CFTR: variants seen among roughly 807,000 people sequenced by gnomAD.
The protein encoded by CFTR is cystic fibrosis transmembrane conductance regulator.
Under a neutral mutation model 171.6 loss-of-function variants are expected in CFTR, and 181 were observed. That is an observed-to-expected ratio of 1.05 (90% CI 0.93 to 1.19). CFTR has a LOEUF of 1.19. CFTR is among the 50% of genes most tolerant of loss of function. The pLI is 0.00. For synonymous variants in CFTR, 583 were observed against 608.0 expected (o/e 0.96, Z 0.60); for missense variants, 1,968 against 1,734.7 (o/e 1.13, Z -2.39).
rs774461449 is a variant in CFTR, at chr7:117,576,733, A to G, written c.1585-11006A>G. Among the ~76,000 whole-genome samples the G allele has an allele frequency of 6.6e-6, 1 of 152,154 alleles. No homozygotes were observed. The highest frequency in any genetic ancestry group is 1.5e-5 in the Non-Finnish European group (1 of 68,014). On this transcript the variant is annotated intron_variant, in intron 11 of 26. Transcript: ENST00000003084. ...GATCGGTAAGACTGGGCAGAGGAAGATACAACAGATCTCCTATGCATGAAG... is the reference window on the plus strand; with the variant it reads ...GATCGGTAAGACTGGGCAGAGGAAGGTACAACAGATCTCCTATGCATGAAG...
At chr7:117,558,952 G>A (rs1332285123) in intron 10 of CFTR, among the ~76,000 whole-genome samples, 1 of 151,962 alleles carries the variant, frequency 6.6e-6, no homozygotes, top group East Asian at 1.9e-4. Flanking sequence ...TAGTCCTTTT[G>A]TACTATCATC....
intron 3 of CFTR, among the ~76,000 whole-genome samples, chr7:117,525,202 G>A (rs1398716929): frequency 6.6e-6 from 1 of 152,220 alleles, no homozygotes; most frequent in African/African-American, 2.4e-5. Flanking sequence ...CCAGGTTTGT[G>A]ATTAGTTTGG....
rs769400131 is a variant in CFTR, at chr7:117,627,842, G to A, written c.3717+72G>A. The A allele has an allele frequency of 4.1e-6, 6 of 1,447,532 alleles. No individual in the cohort carries two copies. In the African/African-American group the frequency reaches 8.4e-5, roughly 20 times the overall value. The allele number at this position is 1,447,532 out of a possible 1,614,324, so 89.7% of individuals were successfully genotyped here. On this transcript the variant is annotated intron_variant, in intron 22 of 26. Coordinates refer to ENST00000003084, the MANE Select transcript of CFTR (RefSeq NM_000492.4). ...GAATCCCAGTAGCCTGAAGCAATGT[G>A]TTAGCAGAATCTATTTGTAACATTA...
intron 9 of CFTR, among the ~76,000 whole-genome samples, chr7:117,547,672 G>A (rs1180771281): frequency 6.6e-6 from 1 of 152,132 alleles, no homozygotes; most frequent in African/African-American, 2.4e-5. Context: ...TTCTGCCTTT[G>A]CTTTTATGGG....
At chr7:117,496,708 G>A (rs1798246912) in intron 1 of CFTR, among the ~76,000 whole-genome samples, 1 of 152,128 alleles carries the variant, frequency 6.6e-6, no homozygotes, top group Admixed American at 6.5e-5. Context: ...TAATGGATGG[G>A]CCATATAGTA....
chr7:117,635,869 A>C (rs547325221), intron 22 of CFTR, among the ~76,000 whole-genome samples: 22 of 152,228 alleles, frequency 1.4e-4, no homozygotes, highest in African/African-American at 5.3e-4. Flanking sequence ...ATTTTGAAAA[A>C]ACTGTTATCG....
At chr7:117,509,686 A>G (rs1225100273) in intron 3 of CFTR, among the ~76,000 whole-genome samples, 2 of 152,312 alleles carry the variant, frequency 1.3e-5, no homozygotes, top group African/African-American at 4.8e-5. Context: ...CTTACATCTC[A>G]TCAGTGTGAA....
intron 21 of CFTR, among the ~76,000 whole-genome samples, chr7:117,624,115 T>G (rs563922249): frequency 1.3e-5 from 2 of 151,022 alleles, no homozygotes; most frequent in Non-Finnish European, 2.9e-5. Flanking sequence ...AATATGACTT[T>G]ACTTTTTCTG....
At chr7:117,635,386 T>C (rs1407019239) in intron 22 of CFTR, among the ~76,000 whole-genome samples, 1 of 152,114 alleles carries the variant, frequency 6.6e-6, no homozygotes, top group Non-Finnish European at 1.5e-5. Context: ...TGTTTTTCGA[T>C]CCACTTTGAC....
chr7:117,487,138 G>A (rs910273730), intron 1 of CFTR, among the ~76,000 whole-genome samples: 11 of 152,170 alleles, frequency 7.2e-5, no homozygotes, highest in South Asian at 2.1e-4. Context: ...AACCAGAAAC[G>A]GAAATGATGT....
chr7:117,664,683 T>C lies in CFTR; in HGVS notation c.3964-5T>C. On this transcript the variant is annotated splice_polypyrimidine_tract_variant and splice_region_variant and intron_variant, in intron 24 of 26. Coordinates refer to ENST00000003084, the MANE Select transcript of CFTR (RefSeq NM_000492.4). The stretch of plus-strand genomic sequence containing the variant: ...TGGTATCTGAACTATCTTCTCTAAC[T>C]GCAGGTTGGGCTCAGATCTGTGATA... 1 of 1,613,558 alleles carries C rather than the reference T, an allele frequency of 6.2e-7. No individual in the cohort carries two copies. The highest frequency in any genetic ancestry group is 1.1e-5 in the South Asian group (1 of 91,072).
intron 15 of CFTR, among the ~76,000 whole-genome samples, chr7:117,598,698 T>C (rs771929303): frequency 6.6e-6 from 1 of 152,236 alleles, no homozygotes; most frequent in Non-Finnish European, 1.5e-5. Flanking sequence ...GGAGGCTTGA[T>C]GCAAGATGCA....
At chr7:117,485,411 G>T (rs1304978887) in intron 1 of CFTR, among the ~76,000 whole-genome samples, 1 of 152,166 alleles carries the variant, frequency 6.6e-6, no homozygotes, top group Non-Finnish European at 1.5e-5. Context: ...AGATCAAGTT[G>T]TTTGGAGATC....
At chr7:117,620,942 A>G (rs1792566542) in intron 21 of CFTR, among the ~76,000 whole-genome samples, 1 of 152,136 alleles carries the variant, frequency 6.6e-6, no homozygotes, top group African/African-American at 2.4e-5. Context: ...CCCTGTATCT[A>G]CTAAAAATTC....
chr7:117,534,216 A>T, intron 4 of CFTR, 60 bp from the exon 5 acceptor site: 1 of 780,356 alleles, frequency 1.3e-6, no homozygotes, highest in Non-Finnish European at 2.2e-6. Flanking sequence ...TTATAATTTT[A>T]CTTATAATAT....
At chr7:117,555,591 A>T (rs1799339356) in intron 10 of CFTR, among the ~76,000 whole-genome samples, 1 of 152,192 alleles carries the variant, frequency 6.6e-6, no homozygotes, top group Admixed American at 6.5e-5. Flanking sequence ...ACATCAAGCA[A>T]TCCATACAAA....
In CFTR at chr7:117,540,327, G is replaced by C; in HGVS notation, c.1097G>C (p.Gly366Ala). The change falls in exon 8 of 27, where the codon GGA becomes GCA. Residue 366 changes from glycine to alanine, a missense_variant. Transcript: ENST00000003084. Reference protein sequence around the residue: ...WAVQTWYDSLGAINKIQDFLQ... With the variant: ...WAVQTWYDSLAAINKIQDFLQ... ...GTACAAACATGGTATGACTCTCTTG[G>C]AGCAATAAACAAAATACAGGTAATG... The C allele has an allele frequency of 1.2e-6, 2 of 1,613,678 alleles. No homozygotes were observed. The highest frequency in any genetic ancestry group is 1.7e-6 in the Non-Finnish European group (2 of 1,179,706).
intron 1 of CFTR, among the ~76,000 whole-genome samples, chr7:117,503,678 A>T (rs912751974): frequency 1.4e-4 from 22 of 152,214 alleles, no homozygotes; most frequent in African/African-American, 5.1e-4. Flanking sequence ...GAAAGTTATG[A>T]TCCTACCCTC....
chr7:117,493,511 C>A (rs577592947), intron 1 of CFTR, among the ~76,000 whole-genome samples: 1 of 151,924 alleles, frequency 6.6e-6, no homozygotes, highest in Non-Finnish European at 1.5e-5. Context: ...TGTGGGAATG[C>A]GGGATTGTTA....
Sources: allele counts gnomAD v4.1 joint callset (sites outside exome capture counted in the v4.1 genomes callset), GRCh38; gene constraint gnomAD v4.1.1; transcripts MANE v1.5; gene names NCBI Gene and HGNC (gene_info 2026-07-23, HGNC 2026-07-21).